The following FSTL5 variants were observed in gnomAD, a reference collection of about 807,000 sequenced individuals.
FSTL5 encodes the protein follistatin like 5.
Under a neutral mutation model 89.1 loss-of-function variants are expected in FSTL5, and 62 were observed. That is an observed-to-expected ratio of 0.70 (90% CI 0.57 to 0.86). FSTL5 has a LOEUF of 0.86. Among genes scored for constraint, FSTL5 ranks in the 40% least tolerant of loss-of-function variants. FSTL5 has a pLI of 0.00. For synonymous variants in FSTL5, 383 were observed against 346.2 expected, an observed-to-expected ratio of 1.11 and a Z score of -1.18; for missense variants, 1,057 against 1,001.6, an observed-to-expected ratio of 1.06 and a Z score of -0.75.
intron 7 of FSTL5, among the ~76,000 whole-genome samples, chr4:161,634,373 C>A (rs559567623): frequency 6.6e-6 from 1 of 152,198 alleles, no homozygotes; most frequent in Non-Finnish European, 1.5e-5. Flanking sequence ...AATCATCCAG[C>A]AACCTCACTA....
intron 2 of FSTL5, among the ~76,000 whole-genome samples, chr4:162,068,696 G>A (rs10014568): frequency 0.23 from 35,594 of 151,898 alleles, 5,008 homozygotes; most frequent in Non-Finnish European, 0.32. Flanking sequence ...AAAAATTGGC[G>A]AATGGGATCT....
chr4:161,977,388 G>C (rs1010159542), intron 3 of FSTL5, among the ~76,000 whole-genome samples: 5 of 151,622 alleles, frequency 3.3e-5, no homozygotes, highest in African/African-American at 9.7e-5. Flanking sequence ...CGAGGCAGGC[G>C]GGTCATGAGG....
At chr4:162,054,438 C>T (rs1738473931) in intron 2 of FSTL5, among the ~76,000 whole-genome samples, 1 of 151,460 alleles carries the variant, frequency 6.6e-6, no homozygotes, top group Non-Finnish European at 1.5e-5. Context: ...TCAAACATTA[C>T]AATGATAATA....
At chr4:162,143,748 A>ACACACCC (rs1363446909) in intron 1 of FSTL5, among the ~76,000 whole-genome samples, 145 of 127,744 alleles carry the variant, frequency 1.1e-3, no homozygotes, top group East Asian at 5.6e-3. Flanking sequence ...ACACACACAC[A>ACACACCC]CCCAGGAAAA....
chr4:161,970,561 G>A (rs568652829), intron 3 of FSTL5, among the ~76,000 whole-genome samples: 51 of 152,012 alleles, frequency 3.4e-4, no homozygotes, highest in African/African-American at 1.1e-3. Context: ...TTCAAGAATC[G>A]GTTGTCCAGA....
intron 8 of FSTL5, among the ~76,000 whole-genome samples, chr4:161,583,503 T>A (rs73861703): frequency 0.024 from 3,588 of 152,320 alleles, 144 homozygotes; most frequent in African/African-American, 0.081. Flanking sequence ...AGTTAATAGT[T>A]AATCCCTCAC....
At chr4:161,715,637 A>G (rs1738947835) in intron 6 of FSTL5, among the ~76,000 whole-genome samples, 1 of 151,852 alleles carries the variant, frequency 6.6e-6, no homozygotes, top group South Asian at 2.1e-4. Context: ...CCTCTTCTAA[A>G]CTCCTAACTC....
At chr4:162,117,941 T>G (rs1472620558) in intron 1 of FSTL5, among the ~76,000 whole-genome samples, 5 of 152,216 alleles carry the variant, frequency 3.3e-5, no homozygotes, top group Non-Finnish European at 7.3e-5. Context: ...TGAAAATATT[T>G]GTTTGAATTG....
chr4:161,557,502 A>G (rs1408645286), intron 8 of FSTL5, among the ~76,000 whole-genome samples: 1 of 151,672 alleles, frequency 6.6e-6, no homozygotes, highest in Non-Finnish European at 1.5e-5. Flanking sequence ...TTGGGAGAAT[A>G]AATTGCTACA....
chr4:161,401,643 G>T (rs1578945549), intron 15 of FSTL5, among the ~76,000 whole-genome samples: 2 of 152,182 alleles, frequency 1.3e-5, no homozygotes, highest in Middle Eastern at 3.4e-3. Flanking sequence ...CCCTGTTTCA[G>T]CCTCCATAGT....
intron 6 of FSTL5, among the ~76,000 whole-genome samples, chr4:161,728,403 G>C (rs1395043727): frequency 6.6e-6 from 1 of 152,132 alleles, no homozygotes; most frequent in East Asian, 1.9e-4. Context: ...AAAAGGTAAG[G>C]AGAAAAAGAT....
rs574183035 is a variant in FSTL5, at chr4:161,537,309, A to C, written c.1312+857T>G. On this transcript the variant is annotated intron_variant, in intron 10 of 15. Transcript: ENST00000306100. Reference sequence around the variant, plus strand: ...CAAAACATATATTAATAACAGCGTAACAAGTAGGATTGAAGAGCAGAGAAC... The same window carrying C: ...CAAAACATATATTAATAACAGCGTACCAAGTAGGATTGAAGAGCAGAGAAC... Among the ~76,000 whole-genome samples the C allele has an allele frequency of 1.2e-3, 176 of 152,306 alleles. 2 individuals carry two copies. Among genetic ancestry groups the C allele is most frequent in the African/African-American group, 4.1e-3 (172 of 41,570 alleles).
chr4:162,089,762 A>G (rs1477337170), intron 2 of FSTL5, among the ~76,000 whole-genome samples: 1 of 152,096 alleles, frequency 6.6e-6, no homozygotes, highest in Non-Finnish European at 1.5e-5. Context: ...ACTCCAGATT[A>G]CTGTGCAAAA....
intron 15 of FSTL5, chr4:161,386,717 C>A: frequency 2.7e-6 from 1 of 376,638 alleles, no homozygotes; most frequent in East Asian, 5.3e-5. Flanking sequence ...ATTGCAGCAA[C>A]AAATTTTGCT....
In FSTL5 at chr4:161,817,941, C is replaced by A. The variant is rs141123781; in HGVS notation, c.410-41867G>T. Among the ~76,000 whole-genome samples the A allele has an allele frequency of 7.6e-3, 1,164 of 152,250 alleles. 20 individuals carry two copies. Among genetic ancestry groups the A allele is most frequent in the African/African-American group, 0.025 (1,052 of 41,524 alleles). On this transcript the variant is annotated intron_variant, in intron 4 of 15. Transcript: ENST00000306100. ...AAGTGCTGAGTAAGGAGGGCGTAGTCCCTGGCTCGGGGTCCACCCCCACGG... is the reference window on the plus strand; with the variant it reads ...AAGTGCTGAGTAAGGAGGGCGTAGTACCTGGCTCGGGGTCCACCCCCACGG...
At chr4:161,716,271 C>T (rs1029630170) in intron 6 of FSTL5, among the ~76,000 whole-genome samples, 2 of 152,112 alleles carry the variant, frequency 1.3e-5, no homozygotes, top group African/African-American at 4.8e-5. Flanking sequence ...TTGTCTCCAC[C>T]TCCGACAGGC....
At chr4:161,528,755 A>G (rs1731316066) in intron 10 of FSTL5, among the ~76,000 whole-genome samples, 1 of 143,462 alleles carries the variant, frequency 7.0e-6, no homozygotes, top group Non-Finnish European at 1.5e-5. Context: ...TTAAGAACAC[A>G]GTTATTTGGT....
At chr4:161,847,507 T>C (rs536386520) in intron 4 of FSTL5, among the ~76,000 whole-genome samples, 29 of 152,292 alleles carry the variant, frequency 1.9e-4, no homozygotes, top group Middle Eastern at 3.4e-3. Context: ...GAGCTGGCTC[T>C]CCAAAGCACT....
chr4:161,670,213 A>G (rs1737051918), intron 6 of FSTL5, among the ~76,000 whole-genome samples: 1 of 152,212 alleles, frequency 6.6e-6, no homozygotes, highest in Admixed American at 6.5e-5. Flanking sequence ...AAGGTATCTA[A>G]TCAGAAGAGT....
Sources: gnomAD v4.1 joint callset for allele counts (sites outside exome capture counted in the v4.1 genomes callset) on GRCh38, gnomAD v4.1.1 for gene constraint, MANE v1.5 for transcripts, NCBI Gene and HGNC (gene_info 2026-07-23, HGNC 2026-07-21) for gene names.